The following MGAM2 variants were observed in gnomAD, a reference collection of about 807,000 sequenced individuals.
MGAM2 encodes the protein maltase-glucoamylase 2 (putative), also known as probable maltase-glucoamylase 2.
MGAM2 carries 98 observed loss-of-function variants against 96.1 expected under a neutral mutation model. The ratio of observed to expected loss-of-function variants is 1.02; its 90% CI spans 0.87 to 1.21. MGAM2 has a LOEUF of 1.21. MGAM2 is among the 50% of genes most tolerant of loss of function. The probability of loss-of-function intolerance (pLI) is 0.00; values close to 1 mark genes in which losing one functional copy is unlikely to be tolerated. For synonymous variants in MGAM2, 749 were observed against 414.8 expected (o/e 1.81, Z -9.79); for missense variants, 2,055 against 1,182.4 (o/e 1.74, Z -10.82).
intron 26 of MGAM2, among the ~76,000 whole-genome samples, chr7:142,167,711 T>C (rs1329128911): frequency 1.3e-5 from 2 of 152,172 alleles, no homozygotes; most frequent in Non-Finnish European, 2.9e-5. Context: ...TAGCCAGGAC[T>C]ATAGGTGTGC....
At chr7:142,176,401 T>C (rs1301308714) in intron 32 of MGAM2, among the ~76,000 whole-genome samples, 1 of 152,240 alleles carries the variant, frequency 6.6e-6, no homozygotes, top group Non-Finnish European at 1.5e-5. Flanking sequence ...TTTTGCTCAC[T>C]TACTAATTCA....
intron 1 of MGAM2, among the ~76,000 whole-genome samples, 191 bp downstream of exon 1, chr7:142,111,998 C>CTGTGTGTGTGTGTG (rs57967255): frequency 1.5e-5 from 2 of 133,598 alleles, no homozygotes; most frequent in Non-Finnish European, 3.2e-5. Flanking sequence ...AGAGGAGAGA[C>CTGTGTGTGTGTGTG]TGTGTGTGTG....
rs561268915 is a variant in MGAM2 at position 142,133,946 on chromosome 7, T to C, written c.576-35T>C. ...TTCCTGGCAGAGGAAAGAGTGTTTT[T>C]CGGTGATTCTTGCTCTACTTACCCC... On this transcript the variant is annotated intron_variant, in intron 6 of 47. Coordinates refer to ENST00000477922, the MANE Select transcript of MGAM2 (RefSeq NM_001293626.2). The C allele has an allele frequency of 5.8e-5, 39 of 668,680 alleles. No individual in the cohort carries two copies. The African/African-American group carries it at 6.1e-4, about 10-fold the overall frequency. The allele number at this position is 668,680 out of a possible 1,614,324, so 41.4% of individuals were successfully genotyped here.
At chr7:142,118,293 C>A (rs553823496) in intron 2 of MGAM2, among the ~76,000 whole-genome samples, 1 of 152,242 alleles carries the variant, frequency 6.6e-6, no homozygotes, top group South Asian at 2.1e-4. Flanking sequence ...GCTTAATTCA[C>A]TTTGCATAAT....
intron 44 of MGAM2, 107 bp from the exon 45 acceptor site, chr7:142,199,773 A>G: frequency 5.9e-6 from 3 of 504,794 alleles, no homozygotes; most frequent in East Asian, 3.0e-5. Flanking sequence ...TGCATATTTA[A>G]TACATTTCTT....
chr7:142,163,724 AT>A (rs1795955928), intron 23 of MGAM2, among the ~76,000 whole-genome samples: 1 of 152,172 alleles, frequency 6.6e-6, no homozygotes, highest in Non-Finnish European at 1.5e-5. Flanking sequence ...CATATGAGTG[AT>A]CTAATTTCTT....
chr7:142,197,574 A>G, intron 41 of MGAM2, 26 bp downstream of exon 41: 2 of 703,100 alleles, frequency 2.8e-6, no homozygotes, highest in Non-Finnish European at 5.2e-6. Context: ...TTCCCCAAGC[A>G]TGTCTTGCAA....
chr7:142,141,327 C>A (rs1795222732), intron 12 of MGAM2, among the ~76,000 whole-genome samples: 1 of 151,930 alleles, frequency 6.6e-6, no homozygotes, highest in East Asian at 1.9e-4. Flanking sequence ...TCCTCTAATA[C>A]CATAGATAAT....
At chr7:142,193,051 G>C (rs1796921154) in intron 37 of MGAM2, among the ~76,000 whole-genome samples, 2 of 152,002 alleles carry the variant, frequency 1.3e-5, no homozygotes. Flanking sequence ...TCTTGCTTTT[G>C]CCTATATCCT....
intron 46 of MGAM2, among the ~76,000 whole-genome samples, chr7:142,209,588 AT>A (rs1222223175): frequency 6.6e-5 from 10 of 151,962 alleles, no homozygotes; most frequent in East Asian, 1.9e-4. Context: ...GCACAAATCT[AT>A]TTTTTTTCTA....
rs536605709 is a variant in MGAM2, at chr7:142,142,055, G to A, written c.1317+936G>A. ...TGACTGCAGATCTTGTTGCTCCTGA[G>A]TAGTTTATTTTGCGAAACTGTCTTT... On this transcript the variant is annotated intron_variant, in intron 12 of 47. Coordinates refer to ENST00000477922, the MANE Select transcript of MGAM2 (RefSeq NM_001293626.2). 9.2e-5 allele frequency among the ~76,000 whole-genome samples: 14 copies of A among 152,262 alleles called. No individual in the cohort carries two copies. The South Asian group carries it at 2.3e-3, about 25-fold the overall frequency.
intron 3 of MGAM2, among the ~76,000 whole-genome samples, chr7:142,124,476 A>G (rs1338237821): frequency 6.6e-6 from 1 of 152,118 alleles, no homozygotes; most frequent in Admixed American, 6.6e-5. Flanking sequence ...GCTTTATGAT[A>G]GGTCTTAATG....
In MGAM2 at chr7:142,167,335, T is replaced by A; in HGVS notation, c.2876T>A (p.Ile959Asn). ...DTIPNYVASD[I>N]QYLNTSITAD... The stretch of plus-strand genomic sequence containing the variant: ...ATCCCTAATTATGTTGCTAGTGATA[T>A]TCAGTACCTGAACACCAGCATCACT... Residue 959 changes from isoleucine (I) to asparagine (N), a missense_variant, in exon 26 of 48, where the codon ATT becomes AAT. Ile to Asn is a moderately radical substitution (Grantham distance 149). Coordinates refer to ENST00000477922, the MANE Select transcript of MGAM2 (RefSeq NM_001293626.2). The A allele has an allele frequency of 1.4e-6, 1 of 702,932 alleles. No individual in the cohort carries two copies. Among genetic ancestry groups the A allele is most frequent in the Non-Finnish European group, 2.6e-6 (1 of 384,978 alleles). 43.5% of individuals were successfully genotyped at this position (702,932 alleles called of 1,614,324 possible).
chr7:142,220,053 G>T lies in MGAM2; in HGVS notation c.5542G>T (p.Ala1848Ser). 2.8e-6 allele frequency: 2 copies of T among 702,890 alleles called. No individual in the cohort carries two copies. Among genetic ancestry groups the T allele is most frequent in the Non-Finnish European group, 5.2e-6 (2 of 384,944 alleles). 43.5% of individuals were successfully genotyped at this position (702,890 alleles called of 1,614,324 possible). A position where few individuals can be genotyped will look rare whatever the true frequency, so the allele number is the denominator to read the frequency against. ...TGAGACAATCACCAGTTCTGCCAGT[G>T]CAAATACTACCACTGGCACTACTGA... ...SSETITSSASANTTTGTTDTV... is the reference protein window; with the variant it reads ...SSETITSSASSNTTTGTTDTV... Residue 1848 changes from alanine to serine, a missense_variant, in exon 48 of 48, where the codon GCA becomes TCA. Coordinates refer to ENST00000477922, the MANE Select transcript of MGAM2 (RefSeq NM_001293626.2).
At chr7:142,132,650 A>C (rs1298642804) in intron 6 of MGAM2, among the ~76,000 whole-genome samples, 1 of 127,464 alleles carries the variant, frequency 7.8e-6, no homozygotes, top group Non-Finnish European at 1.5e-5. Flanking sequence ...GAATATAGTT[A>C]TAATTAAAAT....
rs1036172588 is a variant in MGAM2 at position 142,172,091 on chromosome 7, C to T, written c.3352-7C>T. On this transcript the variant is annotated splice_polypyrimidine_tract_variant and splice_region_variant and intron_variant, in intron 28 of 47. Coordinates refer to ENST00000477922, the MANE Select transcript of MGAM2 (RefSeq NM_001293626.2). Reference sequence around the variant, plus strand: ...TTCTTTTTGTTTATTACCCTCGTGACTCCCAGTACAAGAAGAATTCCTATG... The same window carrying T: ...TTCTTTTTGTTTATTACCCTCGTGATTCCCAGTACAAGAAGAATTCCTATG... 7.0e-6 allele frequency: 5 copies of T among 717,624 alleles called. No homozygotes were observed. The highest frequency in any genetic ancestry group is 1.7e-5 in the African/African-American group (1 of 57,846). The allele number at this position is 717,624 out of a possible 1,614,324, so 44.5% of individuals were successfully genotyped here.
intron 6 of MGAM2, among the ~76,000 whole-genome samples, chr7:142,132,736 A>G (rs1471876129): frequency 7.9e-6 from 1 of 126,396 alleles, no homozygotes; most frequent in Non-Finnish European, 1.5e-5. Flanking sequence ...TAATAGAAAT[A>G]TGTAATAACA....
chr7:142,192,251 A>G (rs1398632972), intron 37 of MGAM2, among the ~76,000 whole-genome samples: 2 of 152,096 alleles, frequency 1.3e-5, no homozygotes, highest in Admixed American at 1.3e-4. Flanking sequence ...CTTTCTTTAC[A>G]TCTTCATCTT....
In MGAM2 at chr7:142,169,793, A is replaced by G. The variant is rs1796137304; in HGVS notation, c.3028-282A>G. 2.6e-5 allele frequency among the ~76,000 whole-genome samples: 4 copies of G among 152,240 alleles called. No homozygotes were observed. In the South Asian group the frequency reaches 8.3e-4, roughly 32 times the overall value. On this transcript the variant is annotated intron_variant, in intron 26 of 47. Transcript: ENST00000477922. ...GCCACACACTTACAAACATATACACACACATTCTATTTATGAAATTCTATC... is the reference window on the plus strand; with the variant it reads ...GCCACACACTTACAAACATATACACGCACATTCTATTTATGAAATTCTATC...
Sources: allele counts gnomAD v4.1 joint callset (sites outside exome capture counted in the v4.1 genomes callset), GRCh38; gene constraint gnomAD v4.1.1; transcripts MANE v1.5; gene names NCBI Gene and HGNC (gene_info 2026-07-23, HGNC 2026-07-21).